The following MAD1L1 variants were observed in gnomAD, a reference collection of about 807,000 sequenced individuals.
MAD1L1 encodes the protein mitotic arrest deficient 1 like 1, also known as mitotic spindle assembly checkpoint protein MAD1.
Under a neutral mutation model 96.9 loss-of-function variants are expected in MAD1L1, and 95 were observed. The observed-to-expected ratio is 0.98, with a 90% CI of 0.83 to 1.16. MAD1L1 has a LOEUF of 1.16. Ranked by LOEUF, MAD1L1 falls within the 50% of genes most tolerant of loss-of-function variation. MAD1L1 has a pLI of 0.00. For missense variants in MAD1L1, 1,007 were observed against 954.4 expected (o/e 1.06, Z -0.73); for synonymous variants, 473 against 396.6 (o/e 1.19, Z -2.29).
At chr7:1,955,117 C>T (rs1211674803) in intron 16 of MAD1L1, among the ~76,000 whole-genome samples, 1 of 152,246 alleles carries the variant, frequency 6.6e-6, no homozygotes, top group Non-Finnish European at 1.5e-5. Context: ...TCCTCGCCAA[C>T]CAGCTGTGAA....
At chr7:2,110,913 C>T (rs1001391539) in intron 11 of MAD1L1, among the ~76,000 whole-genome samples, 3 of 152,250 alleles carry the variant, frequency 2.0e-5, no homozygotes, top group Non-Finnish European at 2.9e-5. Context: ...GAGATGACGG[C>T]GCGGGCAAAC....
chr7:1,856,770 G>C (rs776811626), intron 18 of MAD1L1, among the ~76,000 whole-genome samples: 2 of 152,112 alleles, frequency 1.3e-5, no homozygotes, highest in Non-Finnish European at 2.9e-5. Context: ...GTGCCTCCAC[G>C]TTCCACACGT....
rs139088713 is a variant in MAD1L1 at position 1,854,556 on chromosome 7, G to A, written c.1999-38328C>T. ...GGGACTCTGGGGTCCCCTCTATAAG[G>A]ATGTTAATCCCATTCACGAGGGCCC... is the stretch of plus-strand genomic sequence containing the variant. On this transcript the variant is annotated intron_variant, in intron 18 of 18. Coordinates refer to ENST00000265854, the MANE Select transcript of MAD1L1 (RefSeq NM_001013836.2). Among the ~76,000 whole-genome samples the A allele has an allele frequency of 4.6e-3, 698 of 152,136 alleles. 5 individuals carry two copies. The highest frequency in any genetic ancestry group is 0.017 in the Middle Eastern group (5 of 294).
chr7:2,165,377 T>A (rs1452151836), intron 10 of MAD1L1, among the ~76,000 whole-genome samples: 2 of 152,148 alleles, frequency 1.3e-5, no homozygotes, highest in Non-Finnish European at 2.9e-5. Context: ...CCACTTGTCA[T>A]GACTCATCCA....
intron 11 of MAD1L1, among the ~76,000 whole-genome samples, chr7:2,127,601 G>A (rs1584387495): frequency 2.0e-5 from 3 of 152,118 alleles, no homozygotes; most frequent in Admixed American, 6.5e-5. Context: ...TGGGGTCTAG[G>A]GTGGGGAAAA....
At chr7:2,008,743 G>A (rs1040274278) in intron 13 of MAD1L1, among the ~76,000 whole-genome samples, 2 of 150,206 alleles carry the variant, frequency 1.3e-5, no homozygotes, top group African/African-American at 4.9e-5. Context: ...ATCCCAAACA[G>A]CCTCAGACGC....
At chr7:2,136,344 C>T (rs1788750780) in intron 11 of MAD1L1, among the ~76,000 whole-genome samples, 1 of 152,216 alleles carries the variant, frequency 6.6e-6, no homozygotes, top group African/African-American at 2.4e-5. Context: ...GGCTGAGTGG[C>T]TCCACAACCT....
intron 12 of MAD1L1, among the ~76,000 whole-genome samples, chr7:2,039,932 G>A (rs1328088265): frequency 6.6e-6 from 1 of 152,058 alleles, no homozygotes; most frequent in Non-Finnish European, 1.5e-5. Flanking sequence ...AAAAATAAGT[G>A]AAATAAAGAA....
intron 18 of MAD1L1, among the ~76,000 whole-genome samples, chr7:1,818,786 ACAG>A (rs1227982957): frequency 6.7e-6 from 1 of 150,252 alleles, no homozygotes; most frequent in Non-Finnish European, 1.5e-5. Context: ...CACGGCTCCT[ACAG>A]CACCTCCTCT....
In MAD1L1 at chr7:2,225,452, C is replaced by T. The variant is rs746790265; in HGVS notation, c.249G>A (p.Val83=). ...QMELSHKRAR[V]ELERAASTSA... The stretch of plus-strand genomic sequence containing the variant: ...TGGTGCTGGCTGCTCTCTCCAGCTC[C>T]ACTCGAGCCCTCTTGTGACTCAGCT... Residue 83 remains valine (V), a synonymous_variant, in exon 4 of 19, where the codon GTG becomes GTA. Coordinates refer to ENST00000265854, the MANE Select transcript of MAD1L1 (RefSeq NM_001013836.2). The T allele has an allele frequency of 1.2e-6, 2 of 1,614,116 alleles. No individual in the cohort carries two copies. The highest frequency in any genetic ancestry group is 1.7e-6 in the Non-Finnish European group (2 of 1,180,044).
In MAD1L1 at chr7:1,874,191, C is replaced by T. The variant is rs576521583; in HGVS notation, c.1998+24009G>A. ...CAGTGGCTGGCGCCAGAGGTCAGTG[C>T]AGCGAGGCCGTCTCGGTGCACGGCT... On this transcript the variant is annotated intron_variant, in intron 18 of 18. Coordinates refer to ENST00000265854, the MANE Select transcript of MAD1L1 (RefSeq NM_001013836.2). Among the ~76,000 whole-genome samples, 4 of 152,300 alleles carry T rather than the reference C, an allele frequency of 2.6e-5. No homozygotes were observed. In the South Asian group the frequency reaches 8.3e-4, roughly 32 times the overall value.
intron 15 of MAD1L1, among the ~76,000 whole-genome samples, chr7:1,974,272 A>G (rs1472073861): frequency 6.6e-6 from 1 of 152,244 alleles, no homozygotes; most frequent in African/African-American, 2.4e-5. Context: ...GATTCCTCGG[A>G]GAAGCACAGG....
intron 17 of MAD1L1, among the ~76,000 whole-genome samples, chr7:1,911,890 G>C (rs1276384090): frequency 6.6e-6 from 1 of 152,250 alleles, no homozygotes; most frequent in Admixed American, 6.5e-5. Context: ...ACCTTTGCAG[G>C]GCTGCTTCCC....
chr7:1,998,399 T>G (rs1194597849), intron 14 of MAD1L1, among the ~76,000 whole-genome samples: 1 of 152,200 alleles, frequency 6.6e-6, no homozygotes, highest in Non-Finnish European at 1.5e-5. Context: ...GCCGGGCAGG[T>G]GGCTCAGCCA....
At chr7:2,170,233 T>C (rs1300941117) in intron 10 of MAD1L1, among the ~76,000 whole-genome samples, 1 of 152,232 alleles carries the variant, frequency 6.6e-6, no homozygotes. Context: ...CCCTGCCTCC[T>C]GGCCATTAAC....
chr7:2,020,867 G>T (rs1782757834), intron 12 of MAD1L1, among the ~76,000 whole-genome samples: 1 of 151,654 alleles, frequency 6.6e-6, no homozygotes, highest in African/African-American at 2.4e-5. Flanking sequence ...TAATTTAATG[G>T]TTAGAGTAGA....
intron 12 of MAD1L1, among the ~76,000 whole-genome samples, chr7:2,045,822 G>C (rs1178398226): frequency 6.6e-6 from 1 of 152,188 alleles, no homozygotes; most frequent in Non-Finnish European, 1.5e-5. Context: ...GCCCGTCCCA[G>C]GCCTTCCCTA....
chr7:2,227,976 G>A (rs1005679582), intron 3 of MAD1L1, among the ~76,000 whole-genome samples: 13 of 152,050 alleles, frequency 8.5e-5, no homozygotes, highest in South Asian at 2.1e-4. Flanking sequence ...ACATTCCCCC[G>A]GCCTGCCATG....
At chr7:1,915,446 C>T (rs187184883) in intron 17 of MAD1L1, among the ~76,000 whole-genome samples, 3 of 152,208 alleles carry the variant, frequency 2.0e-5, no homozygotes, top group African/African-American at 7.2e-5. Flanking sequence ...CAGGGGACGG[C>T]GCAGGCAGAG....
Sources: gnomAD v4.1 joint callset for allele counts (sites outside exome capture counted in the v4.1 genomes callset) on GRCh38, gnomAD v4.1.1 for gene constraint, MANE v1.5 for transcripts, NCBI Gene and HGNC (gene_info 2026-07-23, HGNC 2026-07-21) for gene names.